CCDC18: variants seen among roughly 807,000 people sequenced by gnomAD.
CCDC18 encodes the protein coiled-coil domain containing 18, also known as coiled-coil domain-containing protein 18.
CCDC18 carries 157 observed loss-of-function variants against 196.0 expected under a neutral mutation model. The ratio of observed to expected loss-of-function variants is 0.80; its 90% CI spans 0.70 to 0.91. The LOEUF (loss-of-function observed/expected upper bound fraction) is 0.91, where lower values mean the gene tolerates loss of function less well. Among genes scored for constraint, CCDC18 ranks in the 40% least tolerant of loss-of-function variants. The probability of loss-of-function intolerance (pLI) is 0.00; values close to 1 mark genes in which losing one functional copy is unlikely to be tolerated. For missense variants in CCDC18, 1,465 were observed against 1,611.6 expected (o/e 0.91, Z 1.56); for synonymous variants, 482 against 529.2 (o/e 0.91, Z 1.22).
rs142775592 is a variant in CCDC18, at chr1:93,242,473, A to G, written c.2981+2577A>G. 3.3e-5 allele frequency among the ~76,000 whole-genome samples: 5 copies of G among 152,326 alleles called. No homozygotes were observed. In the East Asian group the frequency reaches 9.6e-4, roughly 29 times the overall value. ...TGGGTCTCTCTCACAACACATGGGA[A>G]TTCAAGATGAGATTTGGATGGGGTC... On this transcript the variant is annotated intron_variant, in intron 21 of 28. Transcript: ENST00000690025.
chr1:93,225,286 G>A (rs1464904169), intron 16 of CCDC18, among the ~76,000 whole-genome samples: 7 of 152,178 alleles, frequency 4.6e-5, no homozygotes, highest in African/African-American at 7.2e-5. Context: ...CAATATGTGC[G>A]CCTTGAACGA....
chr1:93,192,578 C>T (rs985749389), intron 5 of CCDC18, among the ~76,000 whole-genome samples: 10 of 152,134 alleles, frequency 6.6e-5, no homozygotes, highest in Non-Finnish European at 1.0e-4. Flanking sequence ...ACTACAGGCA[C>T]GCACCCACTG....
chr1:93,247,400 T>A (rs1036989602), intron 23 of CCDC18, among the ~76,000 whole-genome samples: 1 of 152,086 alleles, frequency 6.6e-6, no homozygotes, highest in Non-Finnish European at 1.5e-5. Context: ...AATTTATCAG[T>A]TCTTTTTTAG....
intron 10 of CCDC18, among the ~76,000 whole-genome samples, chr1:93,211,374 A>G (rs901362889): frequency 1.3e-5 from 2 of 152,080 alleles, no homozygotes; most frequent in Non-Finnish European, 2.9e-5. Flanking sequence ...ACAACTAAGA[A>G]TTGAATCTTC....
chr1:93,239,672 C>T lies in CCDC18; in HGVS notation c.2768-11C>T. 1 of 1,564,606 alleles carries T rather than the reference C, an allele frequency of 6.4e-7. No homozygotes were observed. Among genetic ancestry groups the T allele is most frequent in the Non-Finnish European group, 8.8e-7 (1 of 1,141,072 alleles). Reference sequence around the variant, plus strand: ...ACATATAGTTATAAAATTATTCTCTCCTCTTAATAGTAAAGGAGTTAGAAA... The same window carrying T: ...ACATATAGTTATAAAATTATTCTCTTCTCTTAATAGTAAAGGAGTTAGAAA... On this transcript the variant is annotated splice_polypyrimidine_tract_variant and intron_variant, in intron 20 of 28. Coordinates refer to ENST00000690025, the MANE Select transcript of CCDC18 (RefSeq NM_001378204.1).
At chr1:93,239,618 A>T in intron 20 of CCDC18, 65 bp from the exon 21 acceptor site, 1 of 1,340,162 alleles carries the variant, frequency 7.5e-7, no homozygotes. Context: ...AATATTCTTA[A>T]TATATACAAA....
chr1:93,228,067 A>G (rs556906127), intron 17 of CCDC18, among the ~76,000 whole-genome samples: 281 of 151,584 alleles, frequency 1.9e-3, no homozygotes, highest in African/African-American at 6.6e-3. Flanking sequence ...AAGCCTTTAT[A>G]TCTTTTAAAT....
intron 6 of CCDC18, among the ~76,000 whole-genome samples, chr1:93,199,235 C>T (rs2101790211): frequency 6.6e-6 from 1 of 152,324 alleles, no homozygotes; most frequent in East Asian, 1.9e-4. Context: ...CCACACCTGC[C>T]AAGGGTGAGC....
At chr1:93,227,957 CAAA>C (rs71586784) in intron 17 of CCDC18, among the ~76,000 whole-genome samples, 115 of 105,174 alleles carry the variant, frequency 1.1e-3, no homozygotes, top group African/African-American at 3.9e-3. Flanking sequence ...GACCCTATCT[CAAA>C]AAAAAAAAAA....
intron 7 of CCDC18, 50 bp downstream of exon 7, chr1:93,202,038 C>A: frequency 9.7e-7 from 1 of 1,026,410 alleles, no homozygotes; most frequent in Non-Finnish European, 1.5e-6. Flanking sequence ...GTCTATATTC[C>A]AACAGTAAAG....
At chr1:93,272,955 TA>T in intron 28 of CCDC18, among the ~76,000 whole-genome samples, 1 of 109,232 alleles carries the variant, frequency 9.2e-6, no homozygotes, top group South Asian at 2.4e-4. Context: ...TGGTCTTGGA[TA>T]AAAAGGGGCA....
intron 21 of CCDC18, among the ~76,000 whole-genome samples, chr1:93,241,195 T>G (rs984396526): frequency 6.6e-5 from 10 of 151,816 alleles, no homozygotes; most frequent in African/African-American, 2.4e-4. Flanking sequence ...CCTCAGGTGA[T>G]CCATCCACCT....
intron 17 of CCDC18, among the ~76,000 whole-genome samples, chr1:93,229,824 A>AT (rs1658962912): frequency 1.3e-5 from 2 of 152,316 alleles, no homozygotes; most frequent in African/African-American, 4.8e-5. Flanking sequence ...TTATGTGTTC[A>AT]TGCAAAATTA....
chr1:93,180,459 C>A (rs1346084201), upstream of CCDC18: 13 of 1,405,962 alleles, frequency 9.2e-6, no homozygotes, highest in Admixed American at 3.1e-4. Context: ...ATTCCGCAAC[C>A]GCCTCAGTCT....
At chr1:93,264,003 G>A (rs1664164656) in intron 26 of CCDC18, among the ~76,000 whole-genome samples, 1 of 152,162 alleles carries the variant, frequency 6.6e-6, no homozygotes, top group East Asian at 1.9e-4. Flanking sequence ...AAGAAAAGAG[G>A]TTTAATTGAC....
intron 16 of CCDC18, among the ~76,000 whole-genome samples, chr1:93,225,604 C>T (rs1158157739): frequency 6.6e-6 from 1 of 152,050 alleles, no homozygotes; most frequent in Non-Finnish European, 1.5e-5. Context: ...TGGCAAAACC[C>T]ACTCTCTACT....
intron 17 of CCDC18, among the ~76,000 whole-genome samples, chr1:93,229,763 T>C (rs1242791645): frequency 1.3e-5 from 2 of 152,246 alleles, no homozygotes; most frequent in East Asian, 3.8e-4. Flanking sequence ...TTTTGGAAGA[T>C]ATTTAATTTC....
At chr1:93,242,108 AC>A (rs1363241708) in intron 21 of CCDC18, among the ~76,000 whole-genome samples, 2 of 152,254 alleles carry the variant, frequency 1.3e-5, no homozygotes, top group African/African-American at 2.4e-5. Context: ...ACAAATGTTT[AC>A]AAAGTAAGCC....
intron 19 of CCDC18, among the ~76,000 whole-genome samples, chr1:93,237,355 TACC>T (rs1375514464): frequency 6.6e-6 from 1 of 152,222 alleles, no homozygotes; most frequent in Non-Finnish European, 1.5e-5. Flanking sequence ...TTATGCCAGA[TACC>T]ACAAGAAACC....
Sources: gnomAD v4.1 joint callset for allele counts (sites outside exome capture counted in the v4.1 genomes callset) on GRCh38, gnomAD v4.1.1 for gene constraint, MANE v1.5 for transcripts, NCBI Gene and HGNC (gene_info 2026-07-23, HGNC 2026-07-21) for gene names.